EFCAB7: variants seen among roughly 807,000 people sequenced by gnomAD.
EFCAB7 encodes EF-hand calcium-binding domain-containing protein 7.
Under a neutral mutation model 77.1 loss-of-function variants are expected in EFCAB7, and 66 were observed. The observed-to-expected ratio is 0.86, with a 90% CI of 0.70 to 1.05. The LOEUF is 1.05. Among genes scored for constraint, EFCAB7 ranks in the 50% least tolerant of loss-of-function variants. The probability of loss-of-function intolerance (pLI) is 0.00; values close to 1 mark genes in which losing one functional copy is unlikely to be tolerated. For missense variants in EFCAB7, 638 were observed against 730.5 expected (o/e 0.87, Z 1.46); for synonymous variants, 225 against 243.3 (o/e 0.92, Z 0.70).
At chr1:63,535,945 T>G (rs762585358) in intron 6 of EFCAB7, among the ~76,000 whole-genome samples, 7 of 152,146 alleles carry the variant, frequency 4.6e-5, no homozygotes, top group Admixed American at 1.3e-4. Flanking sequence ...AAAGTGATGA[T>G]AACTTGGCCT....
In EFCAB7 at chr1:63,525,639, C is replaced by G. The variant is rs769084440; in HGVS notation, c.67C>G (p.Arg23Gly). ...SQKSTPSESP[R>G]TKKFPLTEEE... ...GAAATCAACACCTTCAGAGAGTCCT[C>G]GAACAAAGAAATTTCCACTAACTGA... The change falls in exon 2 of 14, where the codon CGA (arginine) becomes GGA (glycine). Residue 23 changes from arginine to glycine, a missense_variant. Coordinates refer to ENST00000371088, the MANE Select transcript of EFCAB7 (RefSeq NM_032437.4). 1.2e-6 allele frequency: 2 copies of G among 1,602,698 alleles called. No individual in the cohort carries two copies. The highest frequency in any genetic ancestry group is 8.5e-7 in the Non-Finnish European group (1 of 1,177,634).
In EFCAB7 at chr1:63,530,505, G is replaced by C. The variant is rs370010791; in HGVS notation, c.188-1315G>C. On this transcript the variant is annotated intron_variant, in intron 2 of 13. Transcript: ENST00000371088. ...ATTACCAAGTTACTTCTATTCAACT[G>C]TTCAAAATATCTGCAGTTGCTTTAA... 9.2e-5 allele frequency among the ~76,000 whole-genome samples: 14 copies of C among 152,280 alleles called. No individual in the cohort carries two copies. In the East Asian group the frequency reaches 2.1e-3, roughly 23 times the overall value.
Position 63,546,046 on chromosome 1 carries a change from G to A in EFCAB7, c.935G>A (p.Ser312Asn). 1 of 1,607,142 alleles carries A rather than the reference G, an allele frequency of 6.2e-7. No individual in the cohort carries two copies. The highest frequency in any genetic ancestry group is 8.5e-7 in the Non-Finnish European group (1 of 1,178,526). The change falls in exon 7 of 14, where the codon AGT (serine) becomes AAT (asparagine). Residue 312 changes from serine (S) to asparagine (N), a missense_variant. Ser to Asn is a conservative substitution (Grantham distance 46, BLOSUM62 1). Transcript: ENST00000371088. ...VYLTIKPLNLSQVEGKPSPWL... is the reference protein window; with the variant it reads ...VYLTIKPLNLNQVEGKPSPWL... ...CTAACAATTAAGCCATTAAACCTGA[G>A]TCAAGTTGAAGGCAAGTTTAAGTTT...
Position 63,532,704 on chromosome 1 carries a change from C to A in EFCAB7, c.434C>A (p.Ala145Asp). The A allele has an allele frequency of 6.2e-7, 1 of 1,600,914 alleles. No individual in the cohort carries two copies. Among genetic ancestry groups the A allele is most frequent in the South Asian group, 1.1e-5 (1 of 88,792 alleles). The stretch of plus-strand genomic sequence containing the variant: ...AAGATGACTCGAGAAGAAGTAAATG[C>A]CATAATAAATTTGGCTGATGTAAAT... ...GEKMTREEVN[A>D]IINLADVNAD... Residue 145 changes from alanine (A) to aspartate (D), a missense_variant, in exon 4 of 14, where the codon GCC (alanine) becomes GAC (aspartate). Ala to Asp is a moderately radical substitution (Grantham distance 126). Coordinates refer to ENST00000371088, the MANE Select transcript of EFCAB7 (RefSeq NM_032437.4).
chr1:63,525,592 G>A lies in EFCAB7; in HGVS notation c.20G>A (p.Ser7Asn). MAISPR[S>N]DATFSSQKST... ...AATAGAATGGCGATCAGTCCACGAA[G>A]CGATGCAACTTTCTCCAGTCAGAAA... Residue 7 changes from serine (S) to asparagine (N), a missense_variant, in exon 2 of 14, where the codon AGC (serine) becomes AAC (asparagine). Transcript: ENST00000371088. The A allele has an allele frequency of 1.3e-6, 2 of 1,568,654 alleles. No homozygotes were observed. The highest frequency in any genetic ancestry group is 1.7e-6 in the Non-Finnish European group (2 of 1,167,948).
intron 13 of EFCAB7, 123 bp downstream of exon 13, chr1:63,571,251 G>C: frequency 4.6e-6 from 3 of 649,360 alleles, no homozygotes. Context: ...TATGATATTT[G>C]TATCAGTATC....
intron 6 of EFCAB7, among the ~76,000 whole-genome samples, chr1:63,540,128 C>T (rs1247030177): frequency 6.6e-6 from 1 of 151,820 alleles, no homozygotes; most frequent in African/African-American, 2.4e-5. Flanking sequence ...TTTGGGAGGC[C>T]GAGGTGGGCG....
chr1:63,557,115 T>C lies in EFCAB7; in HGVS notation c.1216T>C (p.Ser406Pro), dbSNP rs1647040685. Residue 406 changes from serine to proline, a missense_variant and splice_region_variant, in exon 10 of 14, where the codon TCT (serine) becomes CCT (proline). Transcript: ENST00000371088. ...GELFLTKEFKSTLSDIFEVID... is the reference protein window; with the variant it reads ...GELFLTKEFKPTLSDIFEVID... ...AACTAGCTATTTTTATAATTTTAGG[T>C]CTACTTTATCAGATATATTTGAAGT... The C allele has an allele frequency of 1.9e-6, 3 of 1,567,426 alleles. No individual in the cohort carries two copies. Among genetic ancestry groups the C allele is most frequent in the Non-Finnish European group, 2.6e-6 (3 of 1,162,314 alleles).
intron 5 of EFCAB7, 46 bp from the exon 6 acceptor site, chr1:63,534,049 G>C: frequency 3.1e-6 from 5 of 1,607,344 alleles, no homozygotes; most frequent in Non-Finnish European, 4.2e-6. Context: ...AACTCCTATT[G>C]ACAACTTTTC....
At chr1:63,576,526 A>G (rs956311791), downstream of EFCAB7, among the ~76,000 whole-genome samples, 1 of 151,418 alleles carries the variant, frequency 6.6e-6, no homozygotes, top group Non-Finnish European at 1.5e-5. Flanking sequence ...TACTTTAATA[A>G]TAAGTACTCT....
intron 11 of EFCAB7, among the ~76,000 whole-genome samples, chr1:63,564,818 A>T (rs1288687284): frequency 6.6e-6 from 1 of 152,226 alleles, no homozygotes; most frequent in Non-Finnish European, 1.5e-5. Context: ...ACTATACTAC[A>T]GGGCTACAGT....
At chr1:63,532,501 A>C (rs1646710585) in intron 3 of EFCAB7, among the ~76,000 whole-genome samples, 169 bp from the exon 4 acceptor site, 1 of 152,088 alleles carries the variant, frequency 6.6e-6, no homozygotes, top group Non-Finnish European at 1.5e-5. Flanking sequence ...AAATTGTGAA[A>C]TTTATATAGC....
At chr1:63,545,834 C>A in intron 6 of EFCAB7, 82 bp from the exon 7 acceptor site, 1 of 1,120,518 alleles carries the variant, frequency 8.9e-7, no homozygotes, top group Non-Finnish European at 1.3e-6. Flanking sequence ...CTTTTATATC[C>A]CCCTGTGTTT....
downstream of EFCAB7, among the ~76,000 whole-genome samples, chr1:63,573,170 T>G (rs904861320): frequency 4.6e-5 from 7 of 152,002 alleles, no homozygotes; most frequent in Non-Finnish European, 8.8e-5. Flanking sequence ...GGCGAAAATT[T>G]TTGGGGGTGG....
chr1:63,556,805 G>A (rs1226582769), intron 9 of EFCAB7, among the ~76,000 whole-genome samples: 6 of 151,426 alleles, frequency 4.0e-5, no homozygotes, highest in Admixed American at 6.6e-5. Context: ...GGCGGATCAC[G>A]AGGTCAGGAG....
chr1:63,544,126 C>T (rs554068289), intron 6 of EFCAB7, among the ~76,000 whole-genome samples: 20 of 151,430 alleles, frequency 1.3e-4, no homozygotes, highest in African/African-American at 3.1e-4. Context: ...TGCGCCACCA[C>T]GCCCAACTAT....
intron 6 of EFCAB7, among the ~76,000 whole-genome samples, chr1:63,535,534 C>T (rs1237540924): frequency 6.6e-6 from 1 of 151,964 alleles, no homozygotes; most frequent in Non-Finnish European, 1.5e-5. Flanking sequence ...AGAGATCTAC[C>T]TGGGCTTGAA....
intron 7 of EFCAB7, chr1:63,548,392 A>G (rs777944448): frequency 3.9e-5 from 6 of 152,122 alleles, no homozygotes; most frequent in Non-Finnish European, 7.4e-5. Flanking sequence ...ATTTTATCTT[A>G]ATCTTTCATT....
rs548485810 is a variant in EFCAB7 at position 63,564,014 on chromosome 1, T to C, written c.1497+2157T>C. ...TAGAATTTCATGATATTAATTTCTT[T>C]CTAGATTCAGAACTGGGAAAATTTA... On this transcript the variant is annotated intron_variant, in intron 11 of 13. Transcript: ENST00000371088. Among the ~76,000 whole-genome samples the C allele has an allele frequency of 9.2e-5, 14 of 152,304 alleles. No homozygotes were observed. In the East Asian group the frequency reaches 2.1e-3, roughly 23 times the overall value.
Sources: gnomAD v4.1 joint callset for allele counts (sites outside exome capture counted in the v4.1 genomes callset) on GRCh38, gnomAD v4.1.1 for gene constraint, MANE v1.5 for transcripts, NCBI Gene and HGNC (gene_info 2026-07-23, HGNC 2026-07-21) for gene names.